The following SLC43A2 variants were observed in gnomAD, a reference collection of about 807,000 sequenced individuals.
SLC43A2 encodes solute carrier family 43 member 2, also known as large neutral amino acids transporter small subunit 4.
Under a neutral mutation model 63.2 loss-of-function variants are expected in SLC43A2, and 38 were observed. The ratio of observed to expected loss-of-function variants is 0.60; its 90% CI spans 0.46 to 0.79. The LOEUF (loss-of-function observed/expected upper bound fraction) is 0.79. SLC43A2 is among the 30% of genes least tolerant of loss of function. The pLI, the probability that SLC43A2 is intolerant of heterozygous loss-of-function variation, is 0.00. For synonymous variants in SLC43A2, 322 were observed against 331.0 expected, an observed-to-expected ratio of 0.97 and a Z score of 0.30; for missense variants, 644 against 756.2, an observed-to-expected ratio of 0.85 and a Z score of 1.74.
Position 1,573,567 on chromosome 17 carries a change from C to T in SLC43A2, c.*2037G>A, listed in dbSNP as rs2075877808. 1 of 152,198 alleles carries T rather than the reference C, an allele frequency of 6.6e-6. No individual in the cohort carries two copies. Among genetic ancestry groups the T allele is most frequent in the African/African-American group, 2.4e-5 (1 of 41,444 alleles). 9.4% of individuals were successfully genotyped at this position (152,198 alleles called of 1,614,324 possible). ...ATACTTTCTTGAAAATCAGAATAAC[C>T]ACTAACATCACAAAACGAGTGTTCT... On this transcript the variant is annotated 3_prime_UTR_variant, in exon 14 of 14. Transcript: ENST00000301335.
At chr17:1,629,650 T>C (rs908155440), upstream of SLC43A2, among the ~76,000 whole-genome samples, 8 of 152,186 alleles carry the variant, frequency 5.3e-5, no homozygotes, top group African/African-American at 1.7e-4. Context: ...CCGGGGACCC[T>C]CCACCCTTGA....
intron 5 of SLC43A2, among the ~76,000 whole-genome samples, chr17:1,610,209 C>T (rs1050157246): frequency 3.9e-5 from 6 of 151,934 alleles, no homozygotes; most frequent in Non-Finnish European, 7.4e-5. Context: ...TGAGCCACTG[C>T]GCCTGGCAGG....
chr17:1,580,765 C>T (rs942320422), intron 11 of SLC43A2, among the ~76,000 whole-genome samples: 11 of 149,938 alleles, frequency 7.3e-5, no homozygotes, highest in East Asian at 3.9e-4. Flanking sequence ...GGTCTCACTC[C>T]GGTTGCCCAG....
chr17:1,580,702 C>T (rs2075998881), intron 11 of SLC43A2, among the ~76,000 whole-genome samples: 1 of 150,224 alleles, frequency 6.7e-6, no homozygotes, highest in Non-Finnish European at 1.5e-5. Flanking sequence ...GCTGGGATTA[C>T]AGGCATGTGC....
At position 1,583,225 on chromosome 17, in the gene SLC43A2, G is replaced by A; in HGVS notation, c.1329C>T (p.Leu443=). Residue 443 remains leucine (L), a synonymous_variant, in exon 11 of 14, where the codon CTC becomes CTT. Coordinates refer to ENST00000301335, the MANE Select transcript of SLC43A2 (RefSeq NM_152346.3). This position sits in a 1 kb window ranked among gnomAD's most constrained non-coding sequence, Gnocchi z 5.5. ...LLLVGFGVTC[L]IPNLPLQILS... ...CCACCTGGAGAGGCAGGTTGGGAAT[G>A]AGGCAGGTCACCCCAAAGCCCACGA... is the stretch of plus-strand genomic sequence containing the variant. 1 of 1,614,102 alleles carries A rather than the reference G, an allele frequency of 6.2e-7. No individual in the cohort carries two copies. Among genetic ancestry groups the A allele is most frequent in the South Asian group, 1.1e-5 (1 of 91,092 alleles).
intron 13 of SLC43A2, 24 bp downstream of exon 13, chr17:1,576,573 C>T: frequency 1.5e-5 from 23 of 1,586,140 alleles, no homozygotes; most frequent in Non-Finnish European, 2.0e-5. Flanking sequence ...CGCCCATGAC[C>T]CACCATCCCC....
rs1010280056 is a variant in SLC43A2 at position 1,613,271 on chromosome 17, G to A, written c.425C>T (p.Ala142Val). 4 of 1,613,992 alleles carry A rather than the reference G, an allele frequency of 2.5e-6. No individual in the cohort carries two copies. In the African/African-American group the frequency reaches 5.3e-5, roughly 22 times the overall value. The change falls in exon 5 of 14, where the codon GCT (alanine) becomes GTT (valine). Residue 142 changes from alanine to valine, a missense_variant and splice_region_variant. Ala to Val is a moderately conservative substitution (Grantham distance 64). Transcript: ENST00000301335. ...LIAYGASKPN[A>V]LSVLIFIALA... ...GGCGATGAAGATGAGCACGGAGAGA[G>A]CTGCAGGGACATGGAAAGCTCGTGA...
chr17:1,584,539 C>T (rs145653183), intron 10 of SLC43A2, among the ~76,000 whole-genome samples: 2,630 of 152,184 alleles, frequency 0.017, 29 homozygotes, highest in Non-Finnish European at 0.026. Context: ...TTTGGCTGGG[C>T]GTGGTGGCTT....
At chr17:1,621,375 C>T (rs760115921) in intron 2 of SLC43A2, among the ~76,000 whole-genome samples, 1 of 152,198 alleles carries the variant, frequency 6.6e-6, no homozygotes, top group African/African-American at 2.4e-5. Flanking sequence ...CCGAGCCCCC[C>T]CTCCAGGGTG....
chr17:1,613,933 T>TA (rs1019261963), intron 4 of SLC43A2, among the ~76,000 whole-genome samples: 3 of 151,786 alleles, frequency 2.0e-5, no homozygotes, highest in East Asian at 1.9e-4. Flanking sequence ...ACCCCATTTC[T>TA]AAAAAAAAGT....
At chr17:1,604,668 C>T (rs1377107222) in intron 5 of SLC43A2, 3 of 1,485,114 alleles carry the variant, frequency 2.0e-6, no homozygotes, top group Non-Finnish European at 2.7e-6. Context: ...ACCACAATGC[C>T]CAGTCCCCAA....
At chr17:1,604,827 C>T in intron 5 of SLC43A2, 4 of 1,535,764 alleles carry the variant, frequency 2.6e-6, no homozygotes, top group Non-Finnish European at 3.5e-6. Context: ...TCCCGTAGGT[C>T]ATCCTGACAT....
At chr17:1,587,046 G>A in intron 9 of SLC43A2, 1 of 1,396,788 alleles carries the variant, frequency 7.2e-7, no homozygotes, top group Non-Finnish European at 9.7e-7. Context: ...TGGGAGAGGA[G>A]GCAGGCTCAC....
At chr17:1,598,189 G>A (rs866824139) in intron 5 of SLC43A2, among the ~76,000 whole-genome samples, 4 of 152,222 alleles carry the variant, frequency 2.6e-5, no homozygotes, top group African/African-American at 4.8e-5. Context: ...TTGGGAGGCC[G>A]AGGCAGGTGG....
intron 10 of SLC43A2, among the ~76,000 whole-genome samples, chr17:1,584,536 G>A (rs1452702626): frequency 3.9e-5 from 6 of 152,274 alleles, no homozygotes. Flanking sequence ...GCGTTTGGCT[G>A]GGCGTGGTGG....
chr17:1,574,861 GTACGGGGT>G lies in SLC43A2; in HGVS notation c.*735_*742del, dbSNP rs2075897277. On this transcript the variant is annotated 3_prime_UTR_variant, in exon 14 of 14. Transcript: ENST00000301335. ...CCTCCACAAAAGCAGCTGTGTGTAT[GTACGGGGT>G]GCCCTGGCGGCGGTCCTCAAATTCC... The G allele has an allele frequency of 6.5e-6, 1 of 152,918 alleles. No individual in the cohort carries two copies. Among genetic ancestry groups the G allele is most frequent in the East Asian group, 1.9e-4 (1 of 5,208 alleles). The allele number at this position is 152,918 out of a possible 1,614,324, so 9.5% of individuals were successfully genotyped here.
intron 5 of SLC43A2, among the ~76,000 whole-genome samples, chr17:1,599,725 T>G (rs1332755554): frequency 6.6e-6 from 1 of 150,894 alleles, no homozygotes; most frequent in South Asian, 2.1e-4. Flanking sequence ...CTTTTACTAA[T>G]GACTTTCAAC....
rs1157070179 is a variant in SLC43A2 at position 1,590,817 on chromosome 17, C to T, written c.1063G>A (p.Gly355Ser). Residue 355 changes from glycine (G) to serine (S), a missense_variant, in exon 9 of 14, where the codon GGC (glycine) becomes AGC (serine). By Grantham distance (56) the Gly-to-Ser change is moderately conservative. Transcript: ENST00000301335. ...MNNILKFLVS[G>S]DQKTVGLYTS... ...GGGCACCTACCTGTCTTCTGGTCGC[C>T]GCTGACCAGGAACTTGAGGATGTTG... 14 of 1,555,122 alleles carry T rather than the reference C, an allele frequency of 9.0e-6. No homozygotes were observed. The highest frequency in any genetic ancestry group is 1.8e-4 in the Middle Eastern group (1 of 5,600).
rs1488315171 is a variant in SLC43A2, at chr17:1,572,282, C to G, written c.*3322G>C. 2.2e-5 allele frequency: 3 copies of G among 135,474 alleles called. No individual in the cohort carries two copies. In the Admixed American group the frequency reaches 2.2e-4, roughly 10 times the overall value. 8.4% of individuals were successfully genotyped at this position (135,474 alleles called of 1,614,324 possible). On this transcript the variant is annotated 3_prime_UTR_variant, in exon 14 of 14. Coordinates refer to ENST00000301335, the MANE Select transcript of SLC43A2 (RefSeq NM_152346.3). ...GAGGCCCCCCCCCCGCCACAGAGGT[C>G]CCCCCTGCCACAGAGGTCCCCCTGC...
Sources: allele counts gnomAD v4.1 joint callset (sites outside exome capture counted in the v4.1 genomes callset), GRCh38; gene constraint gnomAD v4.1.1; non-coding constraint Gnocchi (gnomAD v3.1); transcripts MANE v1.5; gene names NCBI Gene and HGNC (gene_info 2026-07-23, HGNC 2026-07-21).